The following ADCK1 variants were observed in gnomAD, a reference collection of about 807,000 sequenced individuals.
The protein encoded by ADCK1 is aarF domain containing kinase 1.
In ADCK1, 41 loss-of-function variants were observed where a neutral mutation model predicts 52.3. The ratio of observed to expected loss-of-function variants is 0.78; its 90% CI spans 0.61 to 1.02. The LOEUF (loss-of-function observed/expected upper bound fraction) is 1.02, where lower values mean the gene tolerates loss of function less well. Among genes scored for constraint, ADCK1 ranks in the 50% least tolerant of loss-of-function variants. The pLI is 0.00. For synonymous variants in ADCK1, 250 were observed against 274.6 expected (o/e 0.91, Z 0.89); for missense variants, 658 against 679.5 (o/e 0.97, Z 0.35).
At chr14:77,813,009 A>T (rs2081366343) in intron 1 of ADCK1, among the ~76,000 whole-genome samples, 1 of 149,826 alleles carries the variant, frequency 6.7e-6, no homozygotes, top group African/African-American at 2.5e-5. Flanking sequence ...GTTTCTTAAA[A>T]TTTTTTTTTT....
chr14:77,872,210 G>C (rs2082794445), intron 4 of ADCK1, among the ~76,000 whole-genome samples: 1 of 152,094 alleles, frequency 6.6e-6, no homozygotes, highest in Non-Finnish European at 1.5e-5. Flanking sequence ...ATCACTTCCA[G>C]ACATAGAAAC....
At position 77,930,373 on chromosome 14, in the gene ADCK1, G is replaced by A. The variant is rs552489382; in HGVS notation, c.1207-1145G>A. ...GGTAAAGACTTTCAGCAGCACCCCG[G>A]GTCTCCTCATTATGACTTGGCACTG... On this transcript the variant is annotated intron_variant, in intron 9 of 10. Transcript: ENST00000238561. 5.7e-4 allele frequency among the ~76,000 whole-genome samples: 87 copies of A among 152,228 alleles called. 1 individual carries two copies. The highest frequency in any genetic ancestry group is 6.8e-3 in the Middle Eastern group (2 of 294).
At chr14:77,800,846 A>G (rs967098860) in intron 1 of ADCK1, among the ~76,000 whole-genome samples, 4 of 152,258 alleles carry the variant, frequency 2.6e-5, no homozygotes, top group Middle Eastern at 3.2e-3. Flanking sequence ...GTTTACCTCC[A>G]TGATACTTGG....
At chr14:77,868,744 G>A (rs1229756386) in intron 4 of ADCK1, among the ~76,000 whole-genome samples, 4 of 152,144 alleles carry the variant, frequency 2.6e-5, no homozygotes, top group African/African-American at 9.7e-5. Flanking sequence ...CTAACCCCGG[G>A]AAGGTTGGGA....
intron 4 of ADCK1, among the ~76,000 whole-genome samples, chr14:77,876,968 A>G (rs1028931642): frequency 6.6e-6 from 1 of 152,244 alleles, no homozygotes; most frequent in Non-Finnish European, 1.5e-5. Flanking sequence ...TAATCCCAGC[A>G]CTTTGGGAGG....
chr14:77,847,528 C>T lies in ADCK1; in HGVS notation c.220-11548C>T, dbSNP rs182790589. 1.9e-3 allele frequency among the ~76,000 whole-genome samples: 286 copies of T among 152,342 alleles called. 3 individuals carry two copies. The Middle Eastern group carries it at 0.024, about 13-fold the overall frequency. ...GAGGTTGCAGTGAGCTGAGATCCTG[C>T]TACTGCCCTCCAGCCTGGGTGATGG... On this transcript the variant is annotated intron_variant, in intron 3 of 10. Coordinates refer to ENST00000238561, the MANE Select transcript of ADCK1 (RefSeq NM_020421.4).
Position 77,933,415 on chromosome 14 carries a change from T to G in ADCK1, c.*24T>G, listed in dbSNP as rs541280203. The G allele has an allele frequency of 8.7e-6, 14 of 1,609,948 alleles. No homozygotes were observed. In the African/African-American group the frequency reaches 1.5e-4, roughly 17 times the overall value. ...GAGTGGAATTGCTCTCCCTGCCCCA[T>G]TCTGGTGTCTTTCCACTCCTCAGCC... On this transcript the variant is annotated 3_prime_UTR_variant, in exon 11 of 11. Transcript: ENST00000238561.
intron 4 of ADCK1, among the ~76,000 whole-genome samples, chr14:77,878,844 A>G (rs117754831): frequency 6.6e-6 from 1 of 152,118 alleles, no homozygotes; most frequent in Non-Finnish European, 1.5e-5. Context: ...TATGAAGAAT[A>G]ATTTATCAAA....
intron 5 of ADCK1, among the ~76,000 whole-genome samples, chr14:77,894,680 C>T (rs577892605): frequency 6.9e-6 from 1 of 144,854 alleles, no homozygotes; most frequent in African/African-American, 2.5e-5. Context: ...TTCCCCTTCT[C>T]TTTTGCTATT....
intron 6 of ADCK1, among the ~76,000 whole-genome samples, chr14:77,903,309 A>G (rs557358399): frequency 5.8e-4 from 89 of 152,342 alleles, no homozygotes; most frequent in South Asian, 3.1e-3. Flanking sequence ...TTAAAACTGG[A>G]GATAGACTGC....
intron 7 of ADCK1, among the ~76,000 whole-genome samples, chr14:77,921,213 G>A (rs1231025971): frequency 1.3e-5 from 2 of 149,730 alleles, no homozygotes; most frequent in Non-Finnish European, 3.0e-5. Flanking sequence ...TGTAGTCCCA[G>A]CTACTCGGGA....
At chr14:77,826,052 C>G (rs2081696082) in intron 3 of ADCK1, among the ~76,000 whole-genome samples, 1 of 152,280 alleles carries the variant, frequency 6.6e-6, no homozygotes, top group East Asian at 1.9e-4. Flanking sequence ...AAGGCAGTGA[C>G]ACTGTAGCTC....
In ADCK1 at chr14:77,829,210, C is replaced by A. The variant is rs142253239; in HGVS notation, c.219+6692C>A. ...ACTGGGGTACCATTGCTTCTAGGCCCTTCTAGGAGACAGAGTGAGGATATA... is the reference window on the plus strand; with the variant it reads ...ACTGGGGTACCATTGCTTCTAGGCCATTCTAGGAGACAGAGTGAGGATATA... On this transcript the variant is annotated intron_variant, in intron 3 of 10. Transcript: ENST00000238561. Among the ~76,000 whole-genome samples the A allele has an allele frequency of 1.3e-3, 189 of 151,198 alleles. 3 individuals carry two copies. Among genetic ancestry groups the A allele is most frequent in the African/African-American group, 4.3e-3 (177 of 41,474 alleles).
chr14:77,838,641 A>G (rs1594908997), intron 3 of ADCK1, among the ~76,000 whole-genome samples: 1 of 152,064 alleles, frequency 6.6e-6, no homozygotes, highest in Non-Finnish European at 1.5e-5. Flanking sequence ...CAAGCTATCC[A>G]CCTGCCTTGG....
chr14:77,921,326 C>CAAAAAA lies in ADCK1; in HGVS notation c.859-3114_859-3109dup, dbSNP rs756056466. Among the ~76,000 whole-genome samples the CAAAAAA allele has an allele frequency of 1.5e-3, 62 of 41,208 alleles. 5 individuals are homozygous for CAAAAAA. The highest frequency in any genetic ancestry group is 2.4e-3 in the Non-Finnish European group (48 of 20,400). 27.0% of individuals were successfully genotyped at this position (41,208 alleles called of 152,430 possible). A position where few individuals can be genotyped will look rare whatever the true frequency, so the allele number is the denominator to read the frequency against. ...TGGGCGACAGAGTGAGACTCTGTCT[C>CAAAAAA]AAAAAAAAAAAAAAAAAAAAAAGAA... On this transcript the variant is annotated intron_variant, in intron 7 of 10. Transcript: ENST00000238561.
rs58057378 is a variant in ADCK1, at chr14:77,905,304, G to GTTTTTTT, written c.742-2485_742-2479dup. On this transcript the variant is annotated intron_variant, in intron 6 of 10. Transcript: ENST00000238561. ...TCCACCTGTGACTCTTTCCTAGCTGGTTTTTTTTTTTTTTTTTTTTGAGAT... is the reference window on the plus strand; with the variant it reads ...TCCACCTGTGACTCTTTCCTAGCTGGTTTTTTTTTTTTTTTTTTTTTTTTTTTGAGAT... Among the ~76,000 whole-genome samples, 376 of 96,246 alleles carry GTTTTTTT rather than the reference G, an allele frequency of 3.9e-3. 31 individuals are homozygous for GTTTTTTT. The highest frequency in any genetic ancestry group is 0.013 in the African/African-American group (300 of 23,084). 63.1% of individuals were successfully genotyped at this position (96,246 alleles called of 152,430 possible). A position where few individuals can be genotyped will look rare whatever the true frequency, so the allele number is the denominator to read the frequency against.
At chr14:77,858,567 G>A (rs2082473765) in intron 3 of ADCK1, among the ~76,000 whole-genome samples, 1 of 152,088 alleles carries the variant, frequency 6.6e-6, no homozygotes, top group Non-Finnish European at 1.5e-5. Context: ...ACAAAACGAC[G>A]GAGTTTATCT....
intron 6 of ADCK1, among the ~76,000 whole-genome samples, chr14:77,903,654 A>G (rs984769111): frequency 6.6e-6 from 1 of 152,144 alleles, no homozygotes; most frequent in Admixed American, 6.6e-5. Context: ...TTATAACCAC[A>G]GGGTTTGGGA....
intron 1 of ADCK1, among the ~76,000 whole-genome samples, chr14:77,802,751 C>T (rs534003899): frequency 6.6e-6 from 1 of 152,050 alleles, no homozygotes; most frequent in Non-Finnish European, 1.5e-5. Context: ...GAGATCGAGA[C>T]CATCCTGGCT....
Sources: allele counts gnomAD v4.1 joint callset (sites outside exome capture counted in the v4.1 genomes callset), GRCh38; gene constraint gnomAD v4.1.1; transcripts MANE v1.5; gene names NCBI Gene and HGNC (gene_info 2026-07-23, HGNC 2026-07-21).